Variants in SFXN2 observed in about 807,000 individuals in gnomAD.
The protein encoded by SFXN2 is sideroflexin 2.
In SFXN2, 37 loss-of-function variants were observed where a neutral mutation model predicts 41.9. That is an observed-to-expected ratio of 0.88 (90% CI 0.68 to 1.16). The LOEUF (loss-of-function observed/expected upper bound fraction) is 1.16. Ranked by LOEUF, SFXN2 falls within the 50% of genes most tolerant of loss-of-function variation. SFXN2 has a pLI of 0.00. For missense variants in SFXN2, 386 were observed against 425.2 expected (o/e 0.91, Z 0.81); for synonymous variants, 150 against 156.7 (o/e 0.96, Z 0.32).
rs1309113507 is a variant in SFXN2, at chr10:102,734,633, A to G, written c.821+1030A>G. On this transcript the variant is annotated intron_variant, in intron 10 of 11. Coordinates refer to ENST00000369893, the MANE Select transcript of SFXN2 (RefSeq NM_178858.6). The surrounding 1 kb of genome is among the most constrained non-coding windows in gnomAD (Gnocchi z 4.1). ...AGTTACCATGGGCTGGGTGCTTTAC[A>G]TACATATCTCATTGAATCCTCACAG... Among the ~76,000 whole-genome samples the G allele has an allele frequency of 1.3e-5, 2 of 152,202 alleles. No individual in the cohort carries two copies.
At chr10:102,717,435 G>C (rs1314688490) in intron 1 of SFXN2, among the ~76,000 whole-genome samples, 9 of 152,148 alleles carry the variant, frequency 5.9e-5, no homozygotes. Context: ...GCCTCAAGCT[G>C]TGACATTCTC....
Position 102,742,452 on chromosome 10 carries a change from C to CA in SFXN2, c.*4691dup, listed in dbSNP as rs1486225683. Reference sequence around the variant, plus strand: ...CTGGGATTACAGGCAGGAGCCACCGCACCTGGCCTTTTTTTTTTTTTGAGA... The same window carrying CA: ...CTGGGATTACAGGCAGGAGCCACCGCAACCTGGCCTTTTTTTTTTTTTGAGA... On this transcript the variant is annotated 3_prime_UTR_variant, in exon 12 of 12. Coordinates refer to ENST00000369893, the MANE Select transcript of SFXN2 (RefSeq NM_178858.6). The CA allele has an allele frequency of 6.6e-6, 1 of 150,716 alleles. No homozygotes were observed. The allele number at this position is 150,716 out of a possible 1,614,324, so 9.3% of individuals were successfully genotyped here. A position where few individuals can be genotyped will look rare whatever the true frequency, so the allele number is the denominator to read the frequency against.
intron 1 of SFXN2, among the ~76,000 whole-genome samples, chr10:102,721,866 T>G (rs2064513997): frequency 6.6e-6 from 1 of 152,130 alleles, no homozygotes; most frequent in African/African-American, 2.4e-5. Flanking sequence ...TCTGCTTCTC[T>G]GGTTGAACCT....
At chr10:102,727,266 A>G (rs2064616048) in intron 3 of SFXN2, 109 bp downstream of exon 3, 2 of 1,192,030 alleles carry the variant, frequency 1.7e-6, no homozygotes, top group African/African-American at 3.0e-5. Context: ...CTTACCAGAT[A>G]CCAGGCACTA....
At chr10:102,728,056 T>C (rs2064633590) in intron 3 of SFXN2, among the ~76,000 whole-genome samples, 1 of 152,100 alleles carries the variant, frequency 6.6e-6, no homozygotes, top group Non-Finnish European at 1.5e-5. Flanking sequence ...CCCAGCACTT[T>C]GGGAAGCCAA....
intron 1 of SFXN2, among the ~76,000 whole-genome samples, chr10:102,721,523 G>A (rs2265737): frequency 1 from 147,435 of 147,702 alleles, 73,584 homozygotes; most frequent in South Asian, 1. Flanking sequence ...ATATTTAAAC[G>A]TAATTCATGT....
intron 6 of SFXN2, among the ~76,000 whole-genome samples, chr10:102,730,130 T>C (rs2064679501): frequency 6.6e-6 from 1 of 152,176 alleles, no homozygotes; most frequent in South Asian, 2.1e-4. Flanking sequence ...CTCCTCCTAC[T>C]TCCCAAGCCC....
In SFXN2 at chr10:102,739,735, A is replaced by G. The variant is rs1345670955; in HGVS notation, c.*1973A>G. 6.6e-6 allele frequency: 1 copy of G among 152,126 alleles called. No homozygotes were observed. The highest frequency in any genetic ancestry group is 1.5e-5 in the Non-Finnish European group (1 of 68,032). The allele number at this position is 152,126 out of a possible 1,614,324, so 9.4% of individuals were successfully genotyped here. ...GAGACCAGCCTGATCAACATGGTGA[A>G]ACCCGATCTCTACTAAAAATACAAA... On this transcript the variant is annotated 3_prime_UTR_variant, in exon 12 of 12. Transcript: ENST00000369893.
chr10:102,729,554 G>C, intron 5 of SFXN2, 160 bp downstream of exon 5: 2 of 1,118,612 alleles, frequency 1.8e-6, no homozygotes, highest in South Asian at 1.5e-5. Flanking sequence ...CCGTCCCCAG[G>C]TTGGTTCTTC....
intron 6 of SFXN2, among the ~76,000 whole-genome samples, chr10:102,730,620 C>A (rs1290228665): frequency 6.6e-6 from 1 of 152,228 alleles, no homozygotes; most frequent in Non-Finnish European, 1.5e-5. Flanking sequence ...CCTACCGGGG[C>A]TTGAGTTGAG....
chr10:102,731,563 A>T (rs533023522), intron 6 of SFXN2, among the ~76,000 whole-genome samples, 160 bp from the exon 7 acceptor site: 1 of 152,226 alleles, frequency 6.6e-6, no homozygotes, highest in Admixed American at 6.5e-5. Context: ...CACTCCTAAG[A>T]TACTGCTTAT....
At chr10:102,736,507 C>T (rs940124951) in intron 11 of SFXN2, among the ~76,000 whole-genome samples, 5 of 150,862 alleles carry the variant, frequency 3.3e-5, no homozygotes, top group East Asian at 2.0e-4. Context: ...CTGCAACCTC[C>T]GACTCCCTGA....
At chr10:102,735,764 G>A in intron 10 of SFXN2, 98 bp from the exon 11 acceptor site, 1 of 1,261,212 alleles carries the variant, frequency 7.9e-7, no homozygotes, top group Non-Finnish European at 1.2e-6. Flanking sequence ...GGGAAGGCAG[G>A]CCAGGTGCCT....
At chr10:102,717,504 C>G (rs924154032) in intron 1 of SFXN2, among the ~76,000 whole-genome samples, 1 of 152,068 alleles carries the variant, frequency 6.6e-6, no homozygotes, top group Non-Finnish European at 1.5e-5. Context: ...CTACTTTGTT[C>G]CTAGTAGTGG....
At chr10:102,729,173 G>A in intron 4 of SFXN2, 146 bp from the exon 5 acceptor site, 1 of 689,590 alleles carries the variant, frequency 1.5e-6, no homozygotes, top group Non-Finnish European at 2.5e-6. Context: ...GTGAGTGAGG[G>A]GGAGAGGGTC....
chr10:102,729,221 A>G, intron 4 of SFXN2, 98 bp from the exon 5 acceptor site: 1 of 1,135,704 alleles, frequency 8.8e-7, no homozygotes, highest in South Asian at 1.3e-5. Context: ...TGCGGTTTTC[A>G]CGCACGAAGC....
chr10:102,735,505 C>T (rs1324680935), intron 10 of SFXN2, among the ~76,000 whole-genome samples: 1 of 152,134 alleles, frequency 6.6e-6, no homozygotes, highest in Non-Finnish European at 1.5e-5. Context: ...TGCTCCTCCC[C>T]CTCCAAGTTT....
intron 1 of SFXN2, among the ~76,000 whole-genome samples, chr10:102,720,210 T>C (rs2136028683): frequency 6.7e-6 from 1 of 149,124 alleles, no homozygotes; most frequent in Admixed American, 6.8e-5. Flanking sequence ...GAGAATTGCT[T>C]GAACCCAGGA....
Position 102,726,803 on chromosome 10 carries a change from G to T in SFXN2, c.161+6G>T. 1 of 1,614,142 alleles carries T rather than the reference G, an allele frequency of 6.2e-7. No individual in the cohort carries two copies. Among genetic ancestry groups the T allele is most frequent in the Non-Finnish European group, 8.5e-7 (1 of 1,180,010 alleles). Reference sequence around the variant, plus strand: ...GTGATGGTGGAGAAGAGCAGGTGAGGGGTCGGGGAAGGGGCTGGAAGTAGT... The same window carrying T: ...GTGATGGTGGAGAAGAGCAGGTGAGTGGTCGGGGAAGGGGCTGGAAGTAGT... On this transcript the variant is annotated splice_donor_region_variant and intron_variant, in intron 2 of 11. Coordinates refer to ENST00000369893, the MANE Select transcript of SFXN2 (RefSeq NM_178858.6).
Sources: allele counts gnomAD v4.1 joint callset (sites outside exome capture counted in the v4.1 genomes callset), GRCh38; gene constraint gnomAD v4.1.1; non-coding constraint Gnocchi (gnomAD v3.1); transcripts MANE v1.5; gene names NCBI Gene and HGNC (gene_info 2026-07-23, HGNC 2026-07-21).